DCAF6: variants seen among roughly 807,000 people sequenced by gnomAD.
The protein encoded by DCAF6 is DDB1 and CUL4 associated factor 6.
DCAF6 carries 54 observed loss-of-function variants against 125.1 expected under a neutral mutation model. That is an observed-to-expected ratio of 0.43 (90% CI 0.35 to 0.54). The LOEUF (loss-of-function observed/expected upper bound fraction) is 0.54, where lower values mean the gene tolerates loss of function less well. Ranked by LOEUF, DCAF6 falls within the 20% of genes least tolerant of loss-of-function variation. The pLI is 0.01. For synonymous variants in DCAF6, 371 were observed against 390.4 expected (o/e 0.95, Z 0.58); for missense variants, 934 against 1,161.7 (o/e 0.80, Z 2.85).
At chr1:167,959,437 A>T (rs888416916) in intron 2 of DCAF6, among the ~76,000 whole-genome samples, 6 of 152,232 alleles carry the variant, frequency 3.9e-5, no homozygotes, top group African/African-American at 1.4e-4. Context: ...ACCAAGGAGC[A>T]TGCTGTATTG....
At chr1:167,922,070 T>G in the DCAF6 span, among the ~76,000 whole-genome samples, 1 of 152,172 alleles carries the variant, frequency 6.6e-6, no homozygotes, top group African/African-American at 2.4e-5. Context: ...CTGTTATGTG[T>G]CATGTATAGA....
the DCAF6 span, among the ~76,000 whole-genome samples, chr1:167,928,972 A>G: frequency 3.3e-5 from 5 of 152,228 alleles, no homozygotes; most frequent in Admixed American, 6.5e-5. Flanking sequence ...GAATTAATAC[A>G]TTTTCATCTT....
chr1:167,993,367 T>C lies in DCAF6; in HGVS notation c.830T>C (p.Ile277Thr). The C allele has an allele frequency of 6.2e-7, 1 of 1,613,940 alleles. No homozygotes were observed. Residue 277 changes from isoleucine (I) to threonine (T), a missense_variant, in exon 7 of 22, where the codon ATA becomes ACA. Physicochemically the swap from Ile to Thr is moderately conservative, Grantham distance 89 (BLOSUM62 -1). Around this residue, in one of 5 missense-constraint regions of DCAF6, gnomAD observed 309 missense variants for 381.2 expected, o/e 0.81. Coordinates refer to ENST00000367840, the MANE Select transcript of DCAF6 (RefSeq NM_001198956.2). ...CTCGTTAGTTACTCTTCAGATTACA[T>C]ATATCTTTTTGACCCGAAAGATGAT... ...EILVSYSSDY[I>T]YLFDPKDDTA...
intron 4 of DCAF6, among the ~76,000 whole-genome samples, chr1:167,980,408 A>G (rs1016603983): frequency 6.7e-6 from 1 of 148,854 alleles, no homozygotes; most frequent in East Asian, 1.9e-4. Flanking sequence ...ACTATTTTCC[A>G]TAGCAGCTCC....
the DCAF6 span, among the ~76,000 whole-genome samples, chr1:167,878,874 G>T: frequency 6.6e-6 from 1 of 152,192 alleles, no homozygotes; most frequent in Non-Finnish European, 1.5e-5. Context: ...AGAATGACCT[G>T]CTCAGGGATG....
the DCAF6 span, among the ~76,000 whole-genome samples, chr1:167,878,808 T>C: frequency 1.3e-5 from 2 of 152,196 alleles, no homozygotes; most frequent in Non-Finnish European, 2.9e-5. Flanking sequence ...ATTCACAAAA[T>C]GTGCAGGGAG....
chr1:167,968,429 T>C (rs1436255228), intron 3 of DCAF6: 1 of 152,374 alleles, frequency 6.6e-6, no homozygotes, highest in Admixed American at 6.5e-5. Flanking sequence ...GTCTCTGTGA[T>C]GTCATGCTAG....
intron 17 of DCAF6, among the ~76,000 whole-genome samples, chr1:168,053,105 A>G (rs932900986): frequency 6.6e-6 from 1 of 152,126 alleles, no homozygotes; most frequent in African/African-American, 2.4e-5. Context: ...TCCTATCACT[A>G]TCACCATCAT....
the DCAF6 span, chr1:167,920,664 T>C: frequency 6.3e-7 from 1 of 1,590,814 alleles, no homozygotes; most frequent in Non-Finnish European, 8.6e-7. Flanking sequence ...AAAAAAAGTA[T>C]CACAAATGTG....
chr1:168,013,718 C>A (rs1416761444), intron 10 of DCAF6, among the ~76,000 whole-genome samples: 1 of 151,934 alleles, frequency 6.6e-6, no homozygotes, highest in African/African-American at 2.4e-5. Context: ...GTATTAGCTC[C>A]CAAACTAAAA....
At chr1:167,991,582 A>T (rs1343522396) in intron 6 of DCAF6, among the ~76,000 whole-genome samples, 2 of 152,206 alleles carry the variant, frequency 1.3e-5, no homozygotes, top group Non-Finnish European at 2.9e-5. Context: ...ATAACAAATG[A>T]CCACAAACTG....
rs945419820 is a variant in DCAF6 at position 167,977,292 on chromosome 1, T to G, written c.438+2277T>G. 1.1e-4 allele frequency among the ~76,000 whole-genome samples: 16 copies of G among 151,760 alleles called. 1 individual carries two copies. Among genetic ancestry groups the G allele is most frequent in the African/African-American group, 2.4e-5 (1 of 41,370 alleles). The stretch of plus-strand genomic sequence containing the variant: ...TTCTTTCCTTCATTCATTCTTTCCT[T>G]TCTTCCTTTTCTTTCCTTTGTGAAA... On this transcript the variant is annotated intron_variant, in intron 4 of 21. Coordinates refer to ENST00000367840, the MANE Select transcript of DCAF6 (RefSeq NM_001198956.2).
chr1:168,017,441 T>C (rs906321834), intron 11 of DCAF6, among the ~76,000 whole-genome samples: 2 of 152,080 alleles, frequency 1.3e-5, no homozygotes, highest in African/African-American at 4.8e-5. Context: ...ATTGTAGATG[T>C]TGGAAAAATA....
At chr1:168,034,475 C>T (rs995470000) in intron 12 of DCAF6, among the ~76,000 whole-genome samples, 3 of 152,170 alleles carry the variant, frequency 2.0e-5, no homozygotes, top group Non-Finnish European at 4.4e-5. Context: ...GGTGCCACCA[C>T]GCTACCGTGG....
At chr1:167,879,264 C>G in the DCAF6 span, among the ~76,000 whole-genome samples, 6 of 152,164 alleles carry the variant, frequency 3.9e-5, no homozygotes, top group South Asian at 1.2e-3. Context: ...AATAGTAACT[C>G]TCTGAGAGGG....
At chr1:167,916,513 T>G in the DCAF6 span, among the ~76,000 whole-genome samples, 1 of 152,162 alleles carries the variant, frequency 6.6e-6, no homozygotes, top group African/African-American at 2.4e-5. Context: ...GGCCAAGATT[T>G]AATTTTTAAG....
intron 12 of DCAF6, among the ~76,000 whole-genome samples, chr1:168,036,480 A>G (rs1164526095): frequency 1.3e-5 from 2 of 152,252 alleles, no homozygotes; most frequent in Non-Finnish European, 2.9e-5. Context: ...TGAAAAAACT[A>G]GCCCGAACTC....
intron 17 of DCAF6, among the ~76,000 whole-genome samples, chr1:168,053,071 C>CT (rs2101870403): frequency 6.6e-6 from 1 of 152,302 alleles, no homozygotes; most frequent in South Asian, 2.1e-4. Flanking sequence ...TTTACATACT[C>CT]TGAGCCCTCT....
intron 1 of DCAF6, among the ~76,000 whole-genome samples, chr1:167,945,758 C>T (rs1293700083): frequency 6.6e-6 from 1 of 151,074 alleles, no homozygotes; most frequent in Admixed American, 6.6e-5. Flanking sequence ...CCTTGGCCTC[C>T]CAAAGTGCTG....
Sources: gnomAD v4.1 joint callset for allele counts (sites outside exome capture counted in the v4.1 genomes callset) on GRCh38, gnomAD v4.1.1 for gene constraint, gnomAD v4.1.1 regional missense constraint, MANE v1.5 for transcripts, NCBI Gene and HGNC (gene_info 2026-07-23, HGNC 2026-07-21) for gene names.